Variants in ADAMTS2 observed in about 807,000 individuals in gnomAD.
ADAMTS2 encodes the protein A disintegrin and metalloproteinase with thrombospondin motifs 2.
ADAMTS2 carries 50 observed loss-of-function variants against 123.0 expected under a neutral mutation model. The ratio of observed to expected loss-of-function variants is 0.41; its 90% CI spans 0.32 to 0.51. The LOEUF is 0.51. ADAMTS2 is among the 20% of genes least tolerant of loss of function. ADAMTS2 has a pLI of 0.35. For missense variants in ADAMTS2, 1,494 were observed against 1,705.2 expected, an observed-to-expected ratio of 0.88 and a Z score of 2.18; for synonymous variants, 678 against 695.4, an observed-to-expected ratio of 0.98 and a Z score of 0.39.
intron 19 of ADAMTS2, among the ~76,000 whole-genome samples, chr5:179,124,425 C>G (rs920643622): frequency 2.0e-5 from 3 of 152,148 alleles, no homozygotes; most frequent in Non-Finnish European, 4.4e-5. Context: ...GCGAGTTTGT[C>G]CCCTCCCACC....
rs1180694552 is a variant in ADAMTS2, at chr5:179,122,749, T to C, written c.2983A>G (p.Thr995Ala). The change falls in exon 20 of 22, where the codon ACC becomes GCC. Residue 995 changes from threonine to alanine, a missense_variant. By Grantham distance (58) the Thr-to-Ala change is moderately conservative (BLOSUM62 0). Coordinates refer to ENST00000251582, the MANE Select transcript of ADAMTS2 (RefSeq NM_014244.5). ...CGGCAGAGCACTGGCCGCTCCTGGG[T>C]GCCGTTGCCACAGGTTACTGAGCAC... ...SQCSVTCGNG[T>A]QERPVLCRTA... 2 of 1,554,440 alleles carry C rather than the reference T, an allele frequency of 1.3e-6. No homozygotes were observed. Among genetic ancestry groups the C allele is most frequent in the African/African-American group, 2.7e-5 (2 of 73,226 alleles).
chr5:179,221,617 C>T (rs1765128141), intron 3 of ADAMTS2, among the ~76,000 whole-genome samples: 1 of 152,116 alleles, frequency 6.6e-6, no homozygotes, highest in Admixed American at 6.5e-5. Flanking sequence ...CCCTGATGTC[C>T]CATCCTCCAG....
chr5:179,208,112 C>T (rs953702349), intron 3 of ADAMTS2, among the ~76,000 whole-genome samples: 1 of 151,994 alleles, frequency 6.6e-6, no homozygotes, highest in Non-Finnish European at 1.5e-5. Context: ...AACCTCAGCC[C>T]GCACTGCCTG....
At chr5:179,192,215 G>C (rs1430476767) in intron 4 of ADAMTS2, among the ~76,000 whole-genome samples, 1 of 152,214 alleles carries the variant, frequency 6.6e-6, no homozygotes, top group Admixed American at 6.5e-5. Context: ...CCTCGACCTG[G>C]GCAGGGGCCC....
At chr5:179,186,575 C>T (rs1401305349) in intron 4 of ADAMTS2, among the ~76,000 whole-genome samples, 4 of 152,206 alleles carry the variant, frequency 2.6e-5, no homozygotes, top group Admixed American at 2.6e-4. Flanking sequence ...CAGAGGCCTG[C>T]AGGGCCCACC....
intron 5 of ADAMTS2, among the ~76,000 whole-genome samples, chr5:179,176,382 C>G (rs536610148): frequency 2.0e-5 from 3 of 152,286 alleles, no homozygotes; most frequent in Non-Finnish European, 4.4e-5. Flanking sequence ...CCGCAGGGCT[C>G]CAGACCCACA....
At chr5:179,198,414 G>A (rs564733855) in intron 4 of ADAMTS2, among the ~76,000 whole-genome samples, 3 of 152,286 alleles carry the variant, frequency 2.0e-5, no homozygotes, top group Admixed American at 6.5e-5. Context: ...GCCCTTAGAC[G>A]GGGGAATGTG....
Position 179,129,555 on chromosome 5 carries a change from A to G in ADAMTS2, c.2457+377T>C, listed in dbSNP as rs1041982383. On this transcript the variant is annotated intron_variant, in intron 16 of 21. Transcript: ENST00000251582. The surrounding 1 kb of genome is among the most constrained non-coding windows in gnomAD (Gnocchi z 4.1). ...CTGCTTAGAGACACAGTCCAGCTCA[A>G]CCTGGGTCTGGGCATCTAGCTTCCC... Among the ~76,000 whole-genome samples, 10 of 152,250 alleles carry G rather than the reference A, an allele frequency of 6.6e-5. No individual in the cohort carries two copies. Among genetic ancestry groups the G allele is most frequent in the African/African-American group, 2.4e-4 (10 of 41,544 alleles).
rs2113218417 is a variant in ADAMTS2, at chr5:179,137,800, C to T, written c.1920G>A (p.Gln640=). ...GGTGCTCGTGGGGCAGCCAGTGGTG[C>T]TGGGCGTCGCCGTGCTCGAAGTACA... The part of the protein sequence containing the change: ...WDLYFEHGDA[Q]HHWLPHEHRD... The change falls in exon 12 of 22, where the codon CAG becomes CAA. Residue 640 remains glutamine, a synonymous_variant. Coordinates refer to ENST00000251582, the MANE Select transcript of ADAMTS2 (RefSeq NM_014244.5). 2.6e-6 allele frequency: 4 copies of T among 1,544,136 alleles called. No homozygotes were observed. Among genetic ancestry groups the T allele is most frequent in the Non-Finnish European group, 3.5e-6 (4 of 1,144,714 alleles).
chr5:179,298,757 T>C (rs1581255368), intron 2 of ADAMTS2, among the ~76,000 whole-genome samples: 1 of 152,104 alleles, frequency 6.6e-6, no homozygotes, highest in East Asian at 1.9e-4. Flanking sequence ...GGGGTGTCAC[T>C]GGAATGGCAA....
At chr5:179,124,828 C>T (rs1426123759) in intron 19 of ADAMTS2, 145 bp downstream of exon 19, 22 of 1,599,060 alleles carry the variant, frequency 1.4e-5, no homozygotes, top group Middle Eastern at 3.4e-4. Context: ...CGGCGGCTCT[C>T]AGGCCGGGCG....
Position 179,168,948 on chromosome 5 carries a change from T to G in ADAMTS2, c.976-10069A>C, listed in dbSNP as rs564970047. On this transcript the variant is annotated intron_variant, in intron 5 of 21. Transcript: ENST00000251582. ...TTCCAGCATTTTGTTTCCAGCCATC[T>G]TCCCCAAAGCCTGGGAAGCTATTCC... Among the ~76,000 whole-genome samples the G allele has an allele frequency of 1.1e-4, 16 of 152,348 alleles. 1 individual carries two copies. The South Asian group carries it at 3.3e-3, about 32-fold the overall frequency.
chr5:179,241,412 G>T (rs1293695008), intron 3 of ADAMTS2, among the ~76,000 whole-genome samples: 4 of 152,226 alleles, frequency 2.6e-5, no homozygotes. Context: ...GGAGACAGCA[G>T]ATCAACCCAG....
In ADAMTS2 at chr5:179,307,418, A is replaced by G. The variant is rs1003239564; in HGVS notation, c.535-34354T>C. Among the ~76,000 whole-genome samples the G allele has an allele frequency of 6.6e-6, 1 of 152,182 alleles. No individual in the cohort carries two copies. The highest frequency in any genetic ancestry group is 6.5e-5 in the Admixed American group (1 of 15,282). Reference sequence around the variant, plus strand: ...GCAGCTCTGCCCATGAGCATTCAACAGCCCGGTCCGGGGGGCACCACCACG... The same window carrying G: ...GCAGCTCTGCCCATGAGCATTCAACGGCCCGGTCCGGGGGGCACCACCACG... On this transcript the variant is annotated intron_variant, in intron 2 of 21. Transcript: ENST00000251582. This position sits in a 1 kb window ranked among gnomAD's most constrained non-coding sequence, Gnocchi z 5.6.
intron 3 of ADAMTS2, among the ~76,000 whole-genome samples, chr5:179,223,350 G>A (rs531144263): frequency 6.5e-5 from 8 of 123,920 alleles, no homozygotes; most frequent in South Asian, 2.7e-4. Flanking sequence ...ATATACACAC[G>A]AATGCACTCA....
chr5:179,239,957 C>T (rs535531814), intron 3 of ADAMTS2, among the ~76,000 whole-genome samples: 1 of 152,216 alleles, frequency 6.6e-6, no homozygotes, highest in Non-Finnish European at 1.5e-5. Flanking sequence ...GGGAGGGTGC[C>T]TCTGGCAGAG....
chr5:179,300,211 C>A (rs974379824), intron 2 of ADAMTS2, among the ~76,000 whole-genome samples: 3 of 152,080 alleles, frequency 2.0e-5, no homozygotes, highest in Admixed American at 6.5e-5. Context: ...ACCTTCACTG[C>A]CCCTGCTATG....
At chr5:179,206,936 A>G (rs1197992228) in intron 4 of ADAMTS2, among the ~76,000 whole-genome samples, 5 of 152,118 alleles carry the variant, frequency 3.3e-5, no homozygotes, top group Non-Finnish European at 5.9e-5. Flanking sequence ...ACAGGGAGAA[A>G]GGAATTCCCT....
intron 3 of ADAMTS2, among the ~76,000 whole-genome samples, chr5:179,216,672 C>T (rs1180025351): frequency 2.6e-5 from 4 of 152,248 alleles, no homozygotes; most frequent in Admixed American, 6.5e-5. Flanking sequence ...TGCTCACCTC[C>T]GGGAGCCTCC....
Sources: gnomAD v4.1 joint callset for allele counts (sites outside exome capture counted in the v4.1 genomes callset) on GRCh38, gnomAD v4.1.1 for gene constraint, Gnocchi (gnomAD v3.1) non-coding constraint, MANE v1.5 for transcripts, NCBI Gene and HGNC (gene_info 2026-07-23, HGNC 2026-07-21) for gene names.